GSK3B: variants seen among roughly 807,000 people sequenced by gnomAD.
The protein encoded by GSK3B is glycogen synthase kinase-3 beta.
GSK3B carries 15 observed loss-of-function variants against 56.4 expected under a neutral mutation model. The ratio of observed to expected loss-of-function variants is 0.27; its 90% CI spans 0.18 to 0.41. The LOEUF (loss-of-function observed/expected upper bound fraction) is 0.41. Ranked by LOEUF, GSK3B falls within the 10% of genes least tolerant of loss-of-function variation. The pLI is 1.00. For synonymous variants in GSK3B, 181 were observed against 188.9 expected (o/e 0.96, Z 0.34); for missense variants, 300 against 513.4 (o/e 0.58, Z 4.02).
intron 1 of GSK3B, among the ~76,000 whole-genome samples, chr3:120,038,408 A>ATAC (rs1169788904): frequency 1.3e-5 from 2 of 152,130 alleles, no homozygotes; most frequent in African/African-American, 4.8e-5. Context: ...CACACCTATG[A>ATAC]TACCAACTAC....
At chr3:119,920,165 T>C (rs145362058) in intron 4 of GSK3B, among the ~76,000 whole-genome samples, 5 of 152,270 alleles carry the variant, frequency 3.3e-5, no homozygotes, top group African/African-American at 1.2e-4. Context: ...TATTTGAAAA[T>C]TTAGAAAACC....
intron 1 of GSK3B, among the ~76,000 whole-genome samples, chr3:120,034,120 T>C (rs1431659531): frequency 2.0e-5 from 3 of 152,230 alleles, no homozygotes; most frequent in East Asian, 3.8e-4. Context: ...TCTTCTTGTA[T>C]TCTGGATACA....
chr3:119,872,250 G>T (rs1446516073), intron 8 of GSK3B, among the ~76,000 whole-genome samples: 1 of 152,096 alleles, frequency 6.6e-6, no homozygotes, highest in Non-Finnish European at 1.5e-5. Context: ...CCTCAAGAAG[G>T]TTGGGAATAG....
chr3:119,979,161 C>A (rs1163904761), intron 2 of GSK3B, among the ~76,000 whole-genome samples: 4 of 152,164 alleles, frequency 2.6e-5, no homozygotes, highest in Non-Finnish European at 5.9e-5. Context: ...AAAATGGCAT[C>A]TTTAACTTGC....
chr3:119,972,320 T>C (rs10934503), intron 2 of GSK3B, among the ~76,000 whole-genome samples: 36,760 of 152,144 alleles, frequency 0.24, 4,892 homozygotes, highest in East Asian at 0.49. Context: ...CAAGATGGGC[T>C]TCATTTCTTA....
chr3:120,063,552 C>A (rs1000824868), intron 1 of GSK3B, among the ~76,000 whole-genome samples: 1 of 151,042 alleles, frequency 6.6e-6, no homozygotes, highest in Non-Finnish European at 1.5e-5. Flanking sequence ...CATGGTGAAA[C>A]CCTGTCTCTA....
chr3:119,892,757 A>T (rs759497215), intron 7 of GSK3B, among the ~76,000 whole-genome samples: 15 of 152,192 alleles, frequency 9.9e-5, no homozygotes, highest in Non-Finnish European at 1.6e-4. Context: ...GAAATTATAT[A>T]ACACAACATA....
intron 8 of GSK3B, among the ~76,000 whole-genome samples, chr3:119,872,405 C>G (rs1425239975): frequency 6.6e-6 from 1 of 152,116 alleles, no homozygotes; most frequent in African/African-American, 2.4e-5. Context: ...CAAGCAAAAA[C>G]TGGCACATAA....
chr3:120,039,964 T>C (rs1000237104), intron 1 of GSK3B, among the ~76,000 whole-genome samples: 1 of 152,164 alleles, frequency 6.6e-6, no homozygotes, highest in Non-Finnish European at 1.5e-5. Context: ...CACTGCCTCG[T>C]TGCAGCAGCC....
chr3:120,081,061 C>A lies in GSK3B; in HGVS notation c.88+12286G>T, dbSNP rs527695304. Among the ~76,000 whole-genome samples the A allele has an allele frequency of 1.2e-4, 18 of 152,074 alleles. No individual in the cohort carries two copies. The South Asian group carries it at 3.7e-3, about 32-fold the overall frequency. On this transcript the variant is annotated intron_variant, in intron 1 of 10. Transcript: ENST00000264235. ...CAAATAAAATAATGTAAGGGGATACCGTAGTAGCGTCATATGCTCAATGTT... is the reference window on the plus strand; with the variant it reads ...CAAATAAAATAATGTAAGGGGATACAGTAGTAGCGTCATATGCTCAATGTT...
intron 7 of GSK3B, among the ~76,000 whole-genome samples, chr3:119,892,974 T>C (rs1281524244): frequency 8.5e-5 from 13 of 152,108 alleles, no homozygotes; most frequent in Admixed American, 8.5e-4. Flanking sequence ...ATATGAAATG[T>C]CATCTCCTCT....
intron 3 of GSK3B, among the ~76,000 whole-genome samples, chr3:119,924,527 A>C (rs1437161601): frequency 1.3e-5 from 2 of 151,014 alleles, no homozygotes; most frequent in African/African-American, 2.5e-5. Flanking sequence ...TGTATAAAAG[A>C]AGCATTTCAC....
chr3:120,074,732 T>C (rs999459235), intron 1 of GSK3B, among the ~76,000 whole-genome samples: 2 of 152,028 alleles, frequency 1.3e-5, no homozygotes, highest in African/African-American at 4.8e-5. Flanking sequence ...AAAACCTAAA[T>C]AGACCCATAA....
At chr3:119,931,636 G>C (rs2056946883) in intron 3 of GSK3B, among the ~76,000 whole-genome samples, 1 of 151,698 alleles carries the variant, frequency 6.6e-6, no homozygotes, top group Non-Finnish European at 1.5e-5. Flanking sequence ...AAAACAAAAA[G>C]AAATAAAAAA....
chr3:119,905,019 A>C (rs1261887985), intron 7 of GSK3B, among the ~76,000 whole-genome samples: 1 of 151,596 alleles, frequency 6.6e-6, no homozygotes, highest in Non-Finnish European at 1.5e-5. Flanking sequence ...TAAAACTTAA[A>C]AAAATTACAT....
intron 2 of GSK3B, among the ~76,000 whole-genome samples, chr3:119,987,777 T>C (rs1219755384): frequency 6.6e-6 from 1 of 152,180 alleles, no homozygotes; most frequent in Non-Finnish European, 1.5e-5. Flanking sequence ...AAGGTGAAAT[T>C]TAGCTTATCT....
intron 1 of GSK3B, among the ~76,000 whole-genome samples, chr3:120,051,396 T>C (rs1303741079): frequency 2.0e-5 from 3 of 152,118 alleles, no homozygotes; most frequent in Non-Finnish European, 4.4e-5. Flanking sequence ...GTTAAAGATA[T>C]AGCACAGCCA....
At chr3:120,088,245 G>A (rs574579324) in intron 1 of GSK3B, among the ~76,000 whole-genome samples, 402 of 152,046 alleles carry the variant, frequency 2.6e-3, no homozygotes, top group African/African-American at 9.3e-3. Flanking sequence ...ACAGACACAA[G>A]TATATTGGAA....
chr3:119,836,673 C>A (rs2055695470), intron 10 of GSK3B, among the ~76,000 whole-genome samples: 1 of 152,034 alleles, frequency 6.6e-6, no homozygotes, highest in Non-Finnish European at 1.5e-5. Flanking sequence ...CTTTTTATAA[C>A]CTCCTCCTAT....
Sources: gnomAD v4.1 joint callset for allele counts (sites outside exome capture counted in the v4.1 genomes callset) on GRCh38, gnomAD v4.1.1 for gene constraint, MANE v1.5 for transcripts, NCBI Gene and HGNC (gene_info 2026-07-23, HGNC 2026-07-21) for gene names.